Variants in EFTUD2 observed in about 807,000 individuals in gnomAD.
EFTUD2 encodes the protein elongation factor Tu GTP binding domain containing 2.
EFTUD2 carries 9 observed loss-of-function variants against 114.3 expected under a neutral mutation model. The observed-to-expected ratio is 0.08, with a 90% confidence interval of 0.05 to 0.14. The LOEUF (loss-of-function observed/expected upper bound fraction) is 0.14, where lower values mean the gene tolerates loss of function less well. Among genes scored for constraint, EFTUD2 ranks in the 10% least tolerant of loss-of-function variants. The pLI, the probability that EFTUD2 is intolerant of heterozygous loss-of-function variation, is 1.00. For missense variants in EFTUD2, 765 were observed against 1,241.2 expected (o/e 0.62, Z 5.76); for synonymous variants, 449 against 462.3 (o/e 0.97, Z 0.37).
intron 5 of EFTUD2, 121 bp downstream of exon 5, chr17:44,883,528 C>T (rs1451611249): frequency 9.7e-6 from 9 of 929,240 alleles, no homozygotes; most frequent in East Asian, 9.6e-5. Flanking sequence ...GCATGCAGCA[C>T]CCCTAGTCAG....
chr17:44,891,775 A>T (rs994287465), intron 2 of EFTUD2: 1 of 152,224 alleles, frequency 6.6e-6, no homozygotes, highest in African/African-American at 2.4e-5. Flanking sequence ...TTGTGCAACC[A>T]TCACCACGAT....
intron 7 of EFTUD2, 108 bp downstream of exon 7, chr17:44,881,579 T>C (rs183479624): frequency 4.4e-6 from 5 of 1,140,702 alleles, no homozygotes; most frequent in African/African-American, 3.1e-5. Context: ...GAGAGAGGAG[T>C]AGGATATGAA....
chr17:44,893,441 A>G (rs889990606), intron 2 of EFTUD2, among the ~76,000 whole-genome samples: 30 of 152,152 alleles, frequency 2.0e-4, no homozygotes, highest in African/African-American at 6.3e-4. Context: ...GCTTTTATGC[A>G]TCTCTGAAAA....
intron 13 of EFTUD2, among the ~76,000 whole-genome samples, chr17:44,865,562 G>GC (rs2050730975): frequency 6.6e-6 from 1 of 151,990 alleles, no homozygotes; most frequent in Admixed American, 6.5e-5. Flanking sequence ...ATCCATTCCA[G>GC]TCTGACATAA....
At chr17:44,882,806 C>T (rs1225085608) in intron 6 of EFTUD2, among the ~76,000 whole-genome samples, 1 of 152,056 alleles carries the variant, frequency 6.6e-6, no homozygotes, top group Non-Finnish European at 1.5e-5. Context: ...GCTATTAATA[C>T]TATAACAGGA....
intron 13 of EFTUD2, among the ~76,000 whole-genome samples, 194 bp downstream of exon 13, chr17:44,867,613 T>C (rs1435402603): frequency 6.6e-6 from 1 of 152,076 alleles, no homozygotes; most frequent in Non-Finnish European, 1.5e-5. Flanking sequence ...TTTCCTTTGA[T>C]TTTAATAACA....
At chr17:44,875,249 G>C (rs1176640744) in intron 10 of EFTUD2, among the ~76,000 whole-genome samples, 1 of 151,972 alleles carries the variant, frequency 6.6e-6, no homozygotes, top group African/African-American at 2.4e-5. Flanking sequence ...AAAAAAAATT[G>C]GCCGGGGGTG....
intron 10 of EFTUD2, 159 bp downstream of exon 10, chr17:44,875,775 T>C: frequency 4.0e-6 from 3 of 752,768 alleles, no homozygotes; most frequent in Non-Finnish European, 6.6e-6. Context: ...TGTTAAAGTA[T>C]GAAGTCAACC....
Position 44,850,003 on chromosome 17 carries a change from G to A in EFTUD2, c.*1271C>T, listed in dbSNP as rs2050410149. 3.9e-6 allele frequency: 1 copy of A among 257,886 alleles called. No homozygotes were observed. The allele number at this position is 257,886 out of a possible 1,614,324, so 16.0% of individuals were successfully genotyped here. ...GCAGACAGCCACTTGCTAACTGTGTGACAGTGGACAAATCTTTCTCACTGA... is the reference window on the plus strand; with the variant it reads ...GCAGACAGCCACTTGCTAACTGTGTAACAGTGGACAAATCTTTCTCACTGA... On this transcript the variant is annotated 3_prime_UTR_variant, in exon 28 of 28. Coordinates refer to ENST00000426333, the MANE Select transcript of EFTUD2 (RefSeq NM_004247.4).
At chr17:44,853,115 A>C (rs2050485279) in intron 25 of EFTUD2, among the ~76,000 whole-genome samples, 181 bp downstream of exon 25, 1 of 152,056 alleles carries the variant, frequency 6.6e-6, no homozygotes, top group African/African-American at 2.4e-5. Context: ...TCAAATTTTA[A>C]TCTGCAGAAA....
At chr17:44,864,276 G>C (rs376032149) in intron 14 of EFTUD2, among the ~76,000 whole-genome samples, 1 of 152,254 alleles carries the variant, frequency 6.6e-6, no homozygotes, top group South Asian at 2.1e-4. Flanking sequence ...ATGGTATCTG[G>C]TGTGTCAGAT....
At chr17:44,883,501 G>T in intron 5 of EFTUD2, 148 bp downstream of exon 5, 1 of 759,706 alleles carries the variant, frequency 1.3e-6, no homozygotes, top group Non-Finnish European at 2.2e-6. Context: ...GAATTTCACA[G>T]TATGACTTCG....
chr17:44,896,647 G>A (rs1240501040), intron 1 of EFTUD2, among the ~76,000 whole-genome samples: 4 of 151,550 alleles, frequency 2.6e-5, no homozygotes, highest in East Asian at 1.9e-4. Flanking sequence ...ACTCCGTCTC[G>A]AAAAAAATAA....
Position 44,859,891 on chromosome 17 carries a change from G to A in EFTUD2, c.1860+14C>T, listed in dbSNP as rs1304592451. The A allele has an allele frequency of 6.2e-7, 1 of 1,613,978 alleles. No individual in the cohort carries two copies. ...ATAGTGGGGCTTGGCGGCTGCTGCA[G>A]GCCATGGGCATACCTTGGTGGTGAG... On this transcript the variant is annotated intron_variant, in intron 18 of 27. Transcript: ENST00000426333.
intron 11 of EFTUD2, among the ~76,000 whole-genome samples, chr17:44,869,775 A>G (rs2050813519): frequency 6.6e-6 from 1 of 152,128 alleles, no homozygotes; most frequent in African/African-American, 2.4e-5. Flanking sequence ...ACTCCAAGCC[A>G]TTGAGGCTGA....
intron 2 of EFTUD2, chr17:44,892,356 C>T (rs1036799656): frequency 2.0e-5 from 3 of 152,100 alleles, no homozygotes; most frequent in African/African-American, 7.2e-5. Flanking sequence ...AAGGACAAGA[C>T]CAAACACAGA....
intron 7 of EFTUD2, among the ~76,000 whole-genome samples, chr17:44,880,879 C>G (rs2051061126): frequency 6.6e-6 from 1 of 152,294 alleles, no homozygotes; most frequent in Middle Eastern, 3.4e-3. Flanking sequence ...GCAAACAAAA[C>G]AGTATTAAGC....
intron 4 of EFTUD2, 116 bp from the exon 5 acceptor site, chr17:44,883,840 A>G: frequency 3.5e-6 from 3 of 867,632 alleles, no homozygotes; most frequent in Non-Finnish European, 5.8e-6. Context: ...CCAACTGGAG[A>G]GTGCTCAGGC....
intron 7 of EFTUD2, 124 bp from the exon 8 acceptor site, chr17:44,880,768 T>A: frequency 3.0e-6 from 2 of 664,340 alleles, no homozygotes; most frequent in Non-Finnish European, 5.2e-6. Context: ...GATTTTTATC[T>A]AGGCCTCTAG....
Sources: allele counts gnomAD v4.1 joint callset (sites outside exome capture counted in the v4.1 genomes callset), GRCh38; gene constraint gnomAD v4.1.1; transcripts MANE v1.5; gene names NCBI Gene and HGNC (gene_info 2026-07-23, HGNC 2026-07-21).